The following PJVK variants were observed in gnomAD, a reference collection of about 807,000 sequenced individuals.
PJVK encodes the protein pejvakin.
Under a neutral mutation model 37.6 loss-of-function variants are expected in PJVK, and 33 were observed. The observed-to-expected ratio is 0.88, with a 90% CI of 0.67 to 1.17. PJVK has a LOEUF of 1.17. Ranked by LOEUF, PJVK falls within the 50% of genes most tolerant of loss-of-function variation. The pLI is 0.00. For synonymous variants in PJVK, 141 were observed against 143.5 expected, an observed-to-expected ratio of 0.98 and a Z score of 0.13; for missense variants, 410 against 413.8, an observed-to-expected ratio of 0.99 and a Z score of 0.08.
chr2:178,458,752 G>A (rs1489094618), intron 5 of PJVK, 125 bp downstream of exon 5: 4 of 890,768 alleles, frequency 4.5e-6, no homozygotes, highest in Admixed American at 3.4e-5. Context: ...GATGCTCTCA[G>A]CACTGTCAAT....
In PJVK at chr2:178,461,328, C is replaced by G; in HGVS notation, c.*54C>G. The G allele has an allele frequency of 4.4e-6, 7 of 1,594,850 alleles. No individual in the cohort carries two copies. Among genetic ancestry groups the G allele is most frequent in the Non-Finnish European group, 5.1e-6 (6 of 1,166,556 alleles). ...TTTTAGGTGCAGTTGTGCCACAAAC[C>G]TTCCCTAAATTATCTAGGTTTGCTT... On this transcript the variant is annotated 3_prime_UTR_variant, in exon 7 of 7. Coordinates refer to ENST00000644580, the MANE Select transcript of PJVK (RefSeq NM_001042702.5).
intron 3 of PJVK, chr2:178,455,459 G>A (rs1575115932): frequency 4.7e-6 from 6 of 1,268,294 alleles, no homozygotes; most frequent in African/African-American, 4.4e-5. Flanking sequence ...AACTCTTGGG[G>A]CTGAGCTGCA....
intron 1 of PJVK, among the ~76,000 whole-genome samples, chr2:178,452,028 C>G (rs1267212336): frequency 6.6e-6 from 1 of 152,110 alleles, no homozygotes; most frequent in Non-Finnish European, 1.5e-5. Context: ...CGCGGTGGCT[C>G]ACGCCTGTAA....
chr2:178,459,060 T>C (rs1290164484), intron 5 of PJVK: 1 of 428,566 alleles, frequency 2.3e-6, no homozygotes, highest in South Asian at 1.7e-5. Flanking sequence ...ACTTCAGTTT[T>C]ACTTATCATA....
At chr2:178,457,985 G>A (rs1249430046) in intron 4 of PJVK, among the ~76,000 whole-genome samples, 1 of 152,182 alleles carries the variant, frequency 6.6e-6, no homozygotes, top group African/African-American at 2.4e-5. Flanking sequence ...GAAAGATAGG[G>A]TTCAAGGATA....
chr2:178,455,992 G>T lies in PJVK; in HGVS notation c.408-18G>T. ...TTAGATGTTATAGAGTCTTGTGAAT[G>T]TATCTTCTTTATTTTAGAAAAATTA... On this transcript the variant is annotated intron_variant, in intron 3 of 6. Transcript: ENST00000644580. 6.2e-7 allele frequency: 1 copy of T among 1,612,734 alleles called. No individual in the cohort carries two copies. The highest frequency in any genetic ancestry group is 8.5e-7 in the Non-Finnish European group (1 of 1,179,174).
rs1684526206 is a variant in PJVK, at chr2:178,461,904, A to G, written c.*630A>G. ...GGCCTAGATAACTTTTTATATAATT[A>G]AGAGATTTTTGTAAATACCAATTTT... On this transcript the variant is annotated 3_prime_UTR_variant, in exon 7 of 7. Coordinates refer to ENST00000644580, the MANE Select transcript of PJVK (RefSeq NM_001042702.5). Among the ~76,000 whole-genome samples the G allele has an allele frequency of 6.6e-6, 1 of 152,118 alleles. No individual in the cohort carries two copies. The highest frequency in any genetic ancestry group is 2.4e-5 in the African/African-American group (1 of 41,424).
In PJVK at chr2:178,461,329, TTC is replaced by T. The variant is rs1684498754; in HGVS notation, c.*56_*57del. 2 of 1,591,122 alleles carry T rather than the reference TTC, an allele frequency of 1.3e-6. No homozygotes were observed. Among genetic ancestry groups the T allele is most frequent in the Admixed American group, 1.7e-5 (1 of 59,760 alleles). ...TTTAGGTGCAGTTGTGCCACAAACC[TTC>T]CCTAAATTATCTAGGTTTGCTTTGA... is the stretch of plus-strand genomic sequence containing the variant. On this transcript the variant is annotated 3_prime_UTR_variant, in exon 7 of 7. Transcript: ENST00000644580.
intron 1 of PJVK, among the ~76,000 whole-genome samples, chr2:178,452,111 G>A (rs1182601230): frequency 6.6e-6 from 1 of 152,022 alleles, no homozygotes; most frequent in Non-Finnish European, 1.5e-5. Flanking sequence ...TGGCCAACAT[G>A]GTGAAACCCT....
At chr2:178,456,602 C>T (rs535460307) in intron 4 of PJVK, among the ~76,000 whole-genome samples, 16 of 152,098 alleles carry the variant, frequency 1.1e-4, no homozygotes, top group Non-Finnish European at 2.2e-4. Flanking sequence ...CCCATCTCTA[C>T]TGAAAATACA....
At chr2:178,459,169 A>G (rs1391119740) in intron 5 of PJVK, 1 of 472,128 alleles carries the variant, frequency 2.1e-6, no homozygotes, top group Admixed American at 2.3e-5. Context: ...AGTGCAGCTC[A>G]CTTTAGGTCT....
In PJVK at chr2:178,455,933, CAT is replaced by C. The variant is rs1684041913; in HGVS notation, c.408-76_408-75del. On this transcript the variant is annotated intron_variant, in intron 3 of 6. Transcript: ENST00000644580. ...TTAGGTGAACTATGAATGAATAACA[CAT>C]GATAGCAAAAAATGTATTTGATTAT... is the stretch of plus-strand genomic sequence containing the variant. 9.1e-6 allele frequency: 14 copies of C among 1,536,600 alleles called. No homozygotes were observed. In the Admixed American group the frequency reaches 1.8e-4, roughly 20 times the overall value.
At chr2:178,454,090 A>G in intron 2 of PJVK, 1 of 409,540 alleles carries the variant, frequency 2.4e-6, no homozygotes, top group Non-Finnish European at 4.5e-6. Context: ...TGCCCGGTGG[A>G]TCTTGATGCT....
At position 178,452,383 on chromosome 2, in the gene PJVK, AT is replaced by A. The variant is rs964276377; in HGVS notation, c.-23+615del. 5 of 985,172 alleles carry A rather than the reference AT, an allele frequency of 5.1e-6. No homozygotes were observed. The African/African-American group carries it at 8.7e-5, about 17-fold the overall frequency. 61.0% of individuals were successfully genotyped at this position (985,172 alleles called of 1,614,324 possible). ...ACAAGTGAAAGATGTTCAGAATCTA[AT>A]CAAATTATATCATCTGATGCTTTAA... On this transcript the variant is annotated intron_variant, in intron 1 of 6. Transcript: ENST00000644580.
chr2:178,456,660 A>T (rs932957685), intron 4 of PJVK, among the ~76,000 whole-genome samples: 5 of 152,150 alleles, frequency 3.3e-5, no homozygotes, highest in Admixed American at 3.3e-4. Flanking sequence ...CAAGCCACTC[A>T]GGAAGCTGAG....
Position 178,453,583 on chromosome 2 carries a change from G to C in PJVK, c.174G>C (p.Leu58=). 3.1e-6 allele frequency: 5 copies of C among 1,613,812 alleles called. No individual in the cohort carries two copies. Among genetic ancestry groups the C allele is most frequent in the Non-Finnish European group, 4.2e-6 (5 of 1,179,828 alleles). ...RYKFTSTPFT[L]KDILLGDREI... ...AATTTACTTCAACACCTTTTACACTGAAAGATATTCTCCTAGGAGACAGAG... is the reference window on the plus strand; with the variant it reads ...AATTTACTTCAACACCTTTTACACTCAAAGATATTCTCCTAGGAGACAGAG... Residue 58 remains leucine (L), a synonymous_variant, in exon 2 of 7, where the codon CTG becomes CTC. Transcript: ENST00000644580.
At chr2:178,455,872 G>A in intron 3 of PJVK, 138 bp from the exon 4 acceptor site, 1 of 915,118 alleles carries the variant, frequency 1.1e-6, no homozygotes. Context: ...TCTTTTGGGT[G>A]TATTTTCTGA....
intron 1 of PJVK, chr2:178,452,416 C>G (rs1421266714): frequency 4.1e-6 from 4 of 984,982 alleles, no homozygotes. Context: ...TTAATTAGAG[C>G]CTATTCTCTC....
Position 178,461,021 on chromosome 2 carries a change from A to G in PJVK, c.806A>G (p.Tyr269Cys). 6.2e-7 allele frequency: 1 copy of G among 1,613,998 alleles called. No individual in the cohort carries two copies. The highest frequency in any genetic ancestry group is 8.5e-7 in the Non-Finnish European group (1 of 1,180,008). ...GATGTCATTTCTCGTTCACAGCTTTACTTGGATGATCTTTTTTCTGACTAC... is the reference window on the plus strand; with the variant it reads ...GATGTCATTTCTCGTTCACAGCTTTGCTTGGATGATCTTTTTTCTGACTAC... Reference protein sequence around the residue: ...VMDVISRSQLYLDDLFSDYYD... With the variant: ...VMDVISRSQLCLDDLFSDYYD... The change falls in exon 7 of 7, where the codon TAC (tyrosine) becomes TGC (cysteine). Residue 269 changes from tyrosine (Y) to cysteine (C), a missense_variant. Transcript: ENST00000644580.
Sources: gnomAD v4.1 joint callset for allele counts (sites outside exome capture counted in the v4.1 genomes callset) on GRCh38, gnomAD v4.1.1 for gene constraint, MANE v1.5 for transcripts, NCBI Gene and HGNC (gene_info 2026-07-23, HGNC 2026-07-21) for gene names.